CSMD1: variants seen among roughly 807,000 people sequenced by gnomAD.
CSMD1 encodes CUB and Sushi multiple domains 1, also known as CUB and sushi domain-containing protein 1.
In CSMD1, 213 loss-of-function variants were observed where a neutral mutation model predicts 417.5. The observed-to-expected ratio is 0.51, with a 90% CI of 0.46 to 0.57. The LOEUF is 0.57. Ranked by LOEUF, CSMD1 falls within the 20% of genes least tolerant of loss-of-function variation. The pLI, the probability that CSMD1 is intolerant of heterozygous loss-of-function variation, is 0.00. For missense variants in CSMD1, 6,923 were observed against 4,529.7 expected (o/e 1.53, Z -15.17); for synonymous variants, 2,862 against 1,736.8 (o/e 1.65, Z -16.11).
chr8:3,598,867 G>A (rs956216177), intron 8 of CSMD1, among the ~76,000 whole-genome samples: 1 of 152,062 alleles, frequency 6.6e-6, no homozygotes, highest in Non-Finnish European at 1.5e-5. Flanking sequence ...TGGATCACAA[G>A]GTCAGGAGTT....
chr8:3,992,910 T>G (rs1329477682), intron 5 of CSMD1, among the ~76,000 whole-genome samples: 2 of 152,246 alleles, frequency 1.3e-5, no homozygotes, highest in Non-Finnish European at 2.9e-5. Context: ...GCCATTTTTC[T>G]CACAAAAGAT....
intron 5 of CSMD1, among the ~76,000 whole-genome samples, chr8:3,875,926 A>G (rs753407310): frequency 2.0e-5 from 3 of 152,138 alleles, no homozygotes; most frequent in Admixed American, 2.0e-4. Flanking sequence ...TTATGAGGAG[A>G]TCAATGGGAA....
intron 3 of CSMD1, among the ~76,000 whole-genome samples, chr8:4,205,777 T>G (rs867234716): frequency 6.6e-6 from 1 of 151,976 alleles, no homozygotes; most frequent in African/African-American, 2.4e-5. Flanking sequence ...ATAGAAGAAA[T>G]AGATGCCTGT....
chr8:3,406,485 G>C (rs1812349721), intron 14 of CSMD1, among the ~76,000 whole-genome samples: 1 of 152,250 alleles, frequency 6.6e-6, no homozygotes, highest in African/African-American at 2.4e-5. Flanking sequence ...TTTCATAGGA[G>C]CTTAGACAAA....
At chr8:3,459,745 G>A (rs75222543) in intron 12 of CSMD1, among the ~76,000 whole-genome samples, 2,407 of 152,158 alleles carry the variant, frequency 0.016, 65 homozygotes, top group African/African-American at 0.055. Context: ...TCAAGAATGA[G>A]GCTGCCGGCA....
intron 5 of CSMD1, among the ~76,000 whole-genome samples, chr8:3,944,916 A>G (rs1811121747): frequency 6.6e-6 from 1 of 152,168 alleles, no homozygotes; most frequent in South Asian, 2.1e-4. Flanking sequence ...AGTGTTTCTG[A>G]ACGCTGTCTC....
intron 3 of CSMD1, among the ~76,000 whole-genome samples, chr8:4,093,235 A>G (rs1014456980): frequency 2.0e-5 from 3 of 148,856 alleles, no homozygotes; most frequent in Admixed American, 6.8e-5. Flanking sequence ...CTATGTTTAC[A>G]TAATACTTTG....
chr8:3,061,533 C>T (rs1366259863), intron 49 of CSMD1, among the ~76,000 whole-genome samples: 1 of 152,120 alleles, frequency 6.6e-6, no homozygotes, highest in African/African-American at 2.4e-5. Flanking sequence ...CACTGGGAGA[C>T]GTGAAGCTTA....
chr8:4,195,112 T>C (rs905508525), intron 3 of CSMD1, among the ~76,000 whole-genome samples: 5 of 152,322 alleles, frequency 3.3e-5, no homozygotes, highest in South Asian at 2.1e-4. Flanking sequence ...AGAAACCAGA[T>C]GAAACATTTT....
chr8:4,313,620 C>G (rs549125910), intron 3 of CSMD1, among the ~76,000 whole-genome samples: 2 of 151,828 alleles, frequency 1.3e-5, no homozygotes, highest in Admixed American at 1.3e-4. Context: ...TTTAAACATG[C>G]AGATGCCATT....
intron 1 of CSMD1, among the ~76,000 whole-genome samples, chr8:4,680,699 C>T (rs1805983039): frequency 6.6e-6 from 1 of 152,096 alleles, no homozygotes; most frequent in Non-Finnish European, 1.5e-5. Context: ...CCCGCCTCAG[C>T]CTCCCGAGTA....
chr8:3,178,557 T>C (rs962129719), intron 37 of CSMD1, among the ~76,000 whole-genome samples: 1 of 152,182 alleles, frequency 6.6e-6, no homozygotes, highest in East Asian at 1.9e-4. Flanking sequence ...TGCCTCTGCA[T>C]GCCATCTGTT....
At chr8:4,427,313 T>C (rs1797617129) in intron 2 of CSMD1, among the ~76,000 whole-genome samples, 1 of 152,082 alleles carries the variant, frequency 6.6e-6, no homozygotes, top group Non-Finnish European at 1.5e-5. Context: ...GTTGACAAAA[T>C]ACTGGATGCA....
chr8:3,380,073 G>A (rs1283689867), intron 18 of CSMD1, among the ~76,000 whole-genome samples: 1 of 152,162 alleles, frequency 6.6e-6, no homozygotes, highest in Non-Finnish European at 1.5e-5. Context: ...CAAAAAGTGG[G>A]TGAAGGATAT....
chr8:3,411,088 G>A (rs923470697), intron 12 of CSMD1, among the ~76,000 whole-genome samples: 4 of 152,198 alleles, frequency 2.6e-5, no homozygotes, highest in Admixed American at 2.0e-4. Context: ...TCCTGTTTGT[G>A]CAGAGTGATG....
chr8:3,966,724 C>G (rs148385172), intron 5 of CSMD1, among the ~76,000 whole-genome samples: 2 of 105,276 alleles, frequency 1.9e-5, no homozygotes, highest in African/African-American at 8.1e-5. Flanking sequence ...CAGGCATTCA[C>G]ACACACAGAC....
chr8:3,727,214 C>G (rs1310059080), intron 6 of CSMD1, among the ~76,000 whole-genome samples: 1 of 152,176 alleles, frequency 6.6e-6, no homozygotes, highest in East Asian at 1.9e-4. Context: ...TGTTTATTTT[C>G]AAAGTTGCGT....
intron 3 of CSMD1, among the ~76,000 whole-genome samples, chr8:4,110,679 A>T (rs1422593908): frequency 6.6e-6 from 1 of 151,922 alleles, no homozygotes; most frequent in Non-Finnish European, 1.5e-5. Context: ...GTTACCTAAG[A>T]AAATGTTTTG....
intron 5 of CSMD1, among the ~76,000 whole-genome samples, chr8:3,862,822 T>G (rs115124906): frequency 0.023 from 3,450 of 152,276 alleles, 51 homozygotes; most frequent in Middle Eastern, 0.054. Flanking sequence ...TGCCCTCAAA[T>G]GGCAAGTTAG....
Sources: allele counts gnomAD v4.1 joint callset (sites outside exome capture counted in the v4.1 genomes callset), GRCh38; gene constraint gnomAD v4.1.1; transcripts MANE v1.5; gene names NCBI Gene and HGNC (gene_info 2026-07-23, HGNC 2026-07-21).